Variants in STK39 observed in about 807,000 individuals in gnomAD.
STK39 encodes the protein serine/threonine kinase 39.
In STK39, 20 loss-of-function variants were observed where a neutral mutation model predicts 77.8. The ratio of observed to expected loss-of-function variants is 0.26; its 90% CI spans 0.18 to 0.37. STK39 has a LOEUF of 0.37. Among genes scored for constraint, STK39 ranks in the 10% least tolerant of loss-of-function variants. STK39 has a pLI of 1.00. For missense variants in STK39, 479 were observed against 656.5 expected, an observed-to-expected ratio of 0.73 and a Z score of 2.95; for synonymous variants, 246 against 234.1, an observed-to-expected ratio of 1.05 and a Z score of -0.47.
intron 15 of STK39, 93 bp from the exon 16 acceptor site, chr2:168,012,795 A>C: frequency 2.0e-6 from 2 of 1,022,832 alleles, no homozygotes; most frequent in Non-Finnish European, 2.7e-6. Context: ...CATTTACTAA[A>C]ATCGCCCATG....
chr2:168,190,876 C>A (rs1689322853), intron 1 of STK39, among the ~76,000 whole-genome samples: 4 of 152,162 alleles, frequency 2.6e-5, no homozygotes, highest in Non-Finnish European at 5.9e-5. Context: ...CACCTCCTCC[C>A]AGCAAAACCC....
Position 168,036,381 on chromosome 2 carries a change from C to T in STK39, c.1377-19286G>A, listed in dbSNP as rs575978820. ...AGAGTCAGAAACATGTCATGATGTG[C>T]CTTTGGAGGAAAACAGGTGCCACAT... On this transcript the variant is annotated intron_variant, in intron 14 of 17. Transcript: ENST00000355999. Among the ~76,000 whole-genome samples the T allele has an allele frequency of 9.9e-5, 15 of 152,150 alleles. No individual in the cohort carries two copies. The South Asian group carries it at 3.1e-3, about 32-fold the overall frequency.
At chr2:168,129,467 T>C in intron 10 of STK39, 74 bp downstream of exon 10, 1 of 1,551,712 alleles carries the variant, frequency 6.4e-7, no homozygotes, top group South Asian at 1.1e-5. Context: ...TGGAAATCTT[T>C]TTCCAATTTT....
intron 10 of STK39, among the ~76,000 whole-genome samples, chr2:168,088,035 T>A (rs140686854): frequency 6.7e-6 from 1 of 149,396 alleles, no homozygotes; most frequent in Non-Finnish European, 1.5e-5. Flanking sequence ...TGTCAAGAAC[T>A]ACGTCTGCTT....
At position 168,012,816 on chromosome 2, in the gene STK39, C is replaced by A. The variant is rs909447978; in HGVS notation, c.1430-114G>T. 5 of 769,600 alleles carry A rather than the reference C, an allele frequency of 6.5e-6. No individual in the cohort carries two copies. The African/African-American group carries it at 9.1e-5, about 14-fold the overall frequency. The allele number at this position is 769,600 out of a possible 1,614,324, so 47.7% of individuals were successfully genotyped here. ...CTAAAATCGCCCATGAGTTTTAATT[C>A]AACAATTCAGACTCTATCAGGAGAA... is the stretch of plus-strand genomic sequence containing the variant. On this transcript the variant is annotated intron_variant, in intron 15 of 17. Transcript: ENST00000355999.
chr2:168,076,881 T>C (rs1369927414), intron 10 of STK39, among the ~76,000 whole-genome samples: 1 of 152,182 alleles, frequency 6.6e-6, no homozygotes, highest in Non-Finnish European at 1.5e-5. Flanking sequence ...GGCAAAGTAC[T>C]ATAGAAAAAA....
chr2:168,027,507 T>C (rs761627591), intron 14 of STK39, among the ~76,000 whole-genome samples: 17 of 152,122 alleles, frequency 1.1e-4, no homozygotes, highest in Non-Finnish European at 1.0e-4. Flanking sequence ...CAATGTCAGA[T>C]AGATCAGAAA....
chr2:168,007,455 G>A lies in STK39; in HGVS notation c.1498+5179C>T, dbSNP rs77028660. On this transcript the variant is annotated intron_variant, in intron 16 of 17. Coordinates refer to ENST00000355999, the MANE Select transcript of STK39 (RefSeq NM_013233.3). ...TGGGAATGTGGCAATTAACAAAACAGATTAAAAATCCTGGCCTTAAAAAAC... is the reference window on the plus strand; with the variant it reads ...TGGGAATGTGGCAATTAACAAAACAAATTAAAAATCCTGGCCTTAAAAAAC... Among the ~76,000 whole-genome samples, 1,372 of 152,286 alleles carry A rather than the reference G, an allele frequency of 9.0e-3. 18 individuals carry two copies. The highest frequency in any genetic ancestry group is 0.031 in the African/African-American group (1,298 of 41,550).
At chr2:167,963,266 C>T (rs1363463306) in intron 17 of STK39, among the ~76,000 whole-genome samples, 4 of 152,050 alleles carry the variant, frequency 2.6e-5, no homozygotes, top group African/African-American at 9.7e-5. Context: ...TTACATTATT[C>T]TTATGGTTTA....
intron 14 of STK39, among the ~76,000 whole-genome samples, chr2:168,048,502 G>A (rs553640855): frequency 4.0e-4 from 35 of 88,112 alleles, no homozygotes; most frequent in Non-Finnish European, 7.3e-4. Context: ...GTGAGCCACC[G>A]CGCCCGGCCC....
At chr2:167,994,692 T>C (rs1683787360) in intron 16 of STK39, among the ~76,000 whole-genome samples, 1 of 152,254 alleles carries the variant, frequency 6.6e-6, no homozygotes, top group Admixed American at 6.5e-5. Context: ...TGGAATCATA[T>C]AATACGTGAC....
intron 14 of STK39, among the ~76,000 whole-genome samples, chr2:168,026,814 T>C (rs950410437): frequency 5.9e-5 from 9 of 152,188 alleles, no homozygotes; most frequent in African/African-American, 2.2e-4. Flanking sequence ...TATGACACAA[T>C]GTTACCATTT....
In STK39 at chr2:168,024,512, G is replaced by T. The variant is rs538122995; in HGVS notation, c.1377-7417C>A. Among the ~76,000 whole-genome samples the T allele has an allele frequency of 6.6e-5, 10 of 152,270 alleles. No individual in the cohort carries two copies. In the South Asian group the frequency reaches 2.1e-3, roughly 32 times the overall value. On this transcript the variant is annotated intron_variant, in intron 14 of 17. Transcript: ENST00000355999. ...AATGCCAATTCTAAAAGCGCTTGAG[G>T]CTGTGAGTTTAATCTTTTGCTCTCT...
intron 12 of STK39, among the ~76,000 whole-genome samples, chr2:168,066,947 C>A (rs556057476): frequency 1.3e-5 from 2 of 152,322 alleles, no homozygotes; most frequent in South Asian, 4.1e-4. Context: ...CAGCTGGGCA[C>A]GGTGGCTCAT....
At chr2:168,136,668 A>T (rs1382750340) in intron 8 of STK39, among the ~76,000 whole-genome samples, 1 of 152,220 alleles carries the variant, frequency 6.6e-6, no homozygotes, top group African/African-American at 2.4e-5. Flanking sequence ...GCTATGAAGG[A>T]TCAAATTCTG....
intron 16 of STK39, among the ~76,000 whole-genome samples, chr2:167,975,192 C>T (rs1034942540): frequency 6.6e-6 from 1 of 152,076 alleles, no homozygotes; most frequent in Non-Finnish European, 1.5e-5. Context: ...ATGGAAAAGA[C>T]AAAATGCAAA....
chr2:168,092,576 A>G lies in STK39; in HGVS notation c.1090-17345T>C, dbSNP rs79403766. Among the ~76,000 whole-genome samples the G allele has an allele frequency of 9.6e-3, 1,464 of 152,302 alleles. 31 individuals carry two copies. Among genetic ancestry groups the G allele is most frequent in the African/African-American group, 0.034 (1,413 of 41,552 alleles). On this transcript the variant is annotated intron_variant, in intron 10 of 17. Transcript: ENST00000355999. ...CTCACACAGTGAATAAAGATAAAAT[A>G]CCGTTTAAAAAATTCAAGCTTCAGA... is the stretch of plus-strand genomic sequence containing the variant.
chr2:167,973,967 G>C (rs544623521), intron 16 of STK39, among the ~76,000 whole-genome samples: 25 of 152,258 alleles, frequency 1.6e-4, no homozygotes, highest in Admixed American at 1.4e-3. Context: ...AGGTTTATGA[G>C]AATCTCACCT....
intron 1 of STK39, among the ~76,000 whole-genome samples, chr2:168,210,030 A>AAGGAAGGAAGGAAGG (rs1689848352): frequency 3.1e-4 from 34 of 110,102 alleles, no homozygotes; most frequent in East Asian, 2.8e-3. Context: ...GAAAGGAAAG[A>AAGGAAGGAAGGAAGG]AAGGAAGGAA....
Sources: allele counts gnomAD v4.1 joint callset (sites outside exome capture counted in the v4.1 genomes callset), GRCh38; gene constraint gnomAD v4.1.1; transcripts MANE v1.5; gene names NCBI Gene and HGNC (gene_info 2026-07-23, HGNC 2026-07-21).